Variants in PEX1 observed in about 807,000 individuals in gnomAD.
PEX1 encodes the protein peroxisomal ATPase PEX1.
In PEX1, 97 loss-of-function variants were observed where a neutral mutation model predicts 152.5. The observed-to-expected ratio is 0.64, with a 90% CI of 0.54 to 0.75. The LOEUF (loss-of-function observed/expected upper bound fraction) is 0.75, where lower values mean the gene tolerates loss of function less well. Among genes scored for constraint, PEX1 ranks in the 30% least tolerant of loss-of-function variants. The pLI is 0.00. For synonymous variants in PEX1, 485 were observed against 531.6 expected (o/e 0.91, Z 1.21); for missense variants, 1,357 against 1,516.3 (o/e 0.89, Z 1.74).
chr7:92,509,070 T>C (rs1392543739), intron 9 of PEX1, among the ~76,000 whole-genome samples: 1 of 151,964 alleles, frequency 6.6e-6, no homozygotes, highest in Non-Finnish European at 1.5e-5. Flanking sequence ...TTCAGACTTC[T>C]TGTTATCGAA....
Position 92,501,177 on chromosome 7 carries a change from G to C in PEX1, c.2583+330C>G, listed in dbSNP as rs550448409. On this transcript the variant is annotated intron_variant, in intron 15 of 23. Transcript: ENST00000248633. ...CCGTCTCTAAGAAAATTAAAGAGTT[G>C]GCCGGGCATGGTGGTTCATGCCTGT... Among the ~76,000 whole-genome samples the C allele has an allele frequency of 3.9e-5, 6 of 152,256 alleles. No individual in the cohort carries two copies. In the South Asian group the frequency reaches 1.2e-3, roughly 32 times the overall value.
intron 17 of PEX1, 29 bp downstream of exon 17, chr7:92,496,684 T>TA (rs1476906521): frequency 7.1e-7 from 1 of 1,415,696 alleles, no homozygotes; most frequent in Non-Finnish European, 1.0e-6. Flanking sequence ...CAGAGTCAGT[T>TA]ACTTTAAAAA....
chr7:92,506,926 A>C, intron 10 of PEX1, 68 bp downstream of exon 10: 2 of 1,551,128 alleles, frequency 1.3e-6, no homozygotes, highest in South Asian at 1.1e-5. Flanking sequence ...AGATGGTCAA[A>C]ACCCAAAGAA....
At position 92,489,732 on chromosome 7, in the gene PEX1, T is replaced by C; in HGVS notation, c.3618A>G (p.Arg1206=). The C allele has an allele frequency of 6.2e-7, 1 of 1,614,146 alleles. No individual in the cohort carries two copies. Among genetic ancestry groups the C allele is most frequent in the East Asian group, 2.2e-5 (1 of 44,880 alleles). Reference sequence around the variant, plus strand: ...GCCATACTCCACTTTGGCTCCGGTATCTGCCTTTGATAATACTGATATCTG... The same window carrying C: ...GCCATACTCCACTTTGGCTCCGGTACCTGCCTTTGATAATACTGATATCTG... ...LRADISIIKG[R]YRSQSGEDES... Residue 1206 remains arginine (R), a synonymous_variant, in exon 22 of 24, where the codon AGA becomes AGG. Coordinates refer to ENST00000248633, the MANE Select transcript of PEX1 (RefSeq NM_000466.3).
chr7:92,517,373 G>T lies in PEX1; in HGVS notation c.1142C>A (p.Ala381Asp), dbSNP rs73404416. ...ATTCCAGACTACTTGTAGCACACAG[G>T]CCTTCTCATCTTCTTCATTATGATC... ...RSDHNEEDEK[A>D]CVLQVVWNGL... Residue 381 changes from alanine to aspartate, a missense_variant, in exon 5 of 24, where the codon GCC becomes GAC. Coordinates refer to ENST00000248633, the MANE Select transcript of PEX1 (RefSeq NM_000466.3). 1.4e-3 allele frequency: 2,262 copies of T among 1,613,242 alleles called. 25 individuals carry two copies. The African/African-American group carries it at 0.027, about 19-fold the overall frequency.
rs11269897 is a variant in PEX1 at position 92,506,105 on chromosome 7, A to AAAGACTTAAAATTTCT, written c.1900+142_1900+143insAGAAATTTTAAGTCTT. On this transcript the variant is annotated intron_variant, in intron 11 of 23. Coordinates refer to ENST00000248633, the MANE Select transcript of PEX1 (RefSeq NM_000466.3). Reference sequence around the variant, plus strand: ...ATTTTATCAAAAACATTAGAAAGCCAAAGAAATTTTAATGACTAAATGATA... The same window carrying AAAGACTTAAAATTTCT: ...ATTTTATCAAAAACATTAGAAAGCCAAAGACTTAAAATTTCTAAGAAATTTTAATGACTAAATGATA... 459,421 of 502,974 alleles carry AAAGACTTAAAATTTCT rather than the reference A, an allele frequency of 0.91. 210,449 individuals are homozygous for AAAGACTTAAAATTTCT. Among genetic ancestry groups the AAAGACTTAAAATTTCT allele is most frequent in the East Asian group, 0.96 (29,477 of 30,618 alleles). 31.2% of individuals were successfully genotyped at this position (502,974 alleles called of 1,614,324 possible).
chr7:92,509,164 T>A (rs1457323670), intron 9 of PEX1, among the ~76,000 whole-genome samples, 165 bp downstream of exon 9: 1 of 151,796 alleles, frequency 6.6e-6, no homozygotes, highest in Non-Finnish European at 1.5e-5. Flanking sequence ...AGGCAAATTA[T>A]AAGCTAGGCG....
chr7:92,494,305 A>T lies in PEX1; in HGVS notation c.3018T>A (p.Pro1006=), dbSNP rs1248901937. ...ATGAAATTGTCACCTGATCAGGAGG[A>T]GGACAGTATACACATTTATCTAGTC... ...PGRLDKCVYC[P]PPDQVSRLEI... Residue 1006 remains proline, a synonymous_variant, in exon 19 of 24, where the codon CCT becomes CCA. Coordinates refer to ENST00000248633, the MANE Select transcript of PEX1 (RefSeq NM_000466.3). 1 of 1,612,438 alleles carries T rather than the reference A, an allele frequency of 6.2e-7. No individual in the cohort carries two copies. The highest frequency in any genetic ancestry group is 8.5e-7 in the Non-Finnish European group (1 of 1,178,736).
At chr7:92,513,740 G>T (rs1247884806) in intron 6 of PEX1, 108 bp downstream of exon 6, 1 of 816,752 alleles carries the variant, frequency 1.2e-6, no homozygotes, top group East Asian at 2.6e-5. Flanking sequence ...AATAAAAAAA[G>T]ATTTGTATCA....
intron 2 of PEX1, 86 bp from the exon 3 acceptor site, chr7:92,519,164 T>G (rs1792943563): frequency 1.3e-6 from 1 of 769,624 alleles, no homozygotes. Context: ...TTCTTACCAT[T>G]TTAGGTTAAG....
chr7:92,496,141 T>C (rs954097359), intron 17 of PEX1, among the ~76,000 whole-genome samples: 14 of 152,134 alleles, frequency 9.2e-5, no homozygotes, highest in Non-Finnish European at 5.9e-5. Context: ...ATGTATTTTA[T>C]GTATATTCTC....
chr7:92,509,476 T>C, intron 8 of PEX1, 65 bp from the exon 9 acceptor site: 3 of 1,196,828 alleles, frequency 2.5e-6, no homozygotes, highest in Non-Finnish European at 3.7e-6. Context: ...TTTTCTCGGG[T>C]CCCAGAAAAC....
In PEX1 at chr7:92,515,121, A is replaced by C. The variant is rs569052345; in HGVS notation, c.1240-1154T>G. On this transcript the variant is annotated intron_variant, in intron 5 of 23. Coordinates refer to ENST00000248633, the MANE Select transcript of PEX1 (RefSeq NM_000466.3). ...TATATATATATATATATATATATAT[A>C]TCAATAATGATGTTAAAAATTTTTC... is the stretch of plus-strand genomic sequence containing the variant. 1.5e-3 allele frequency among the ~76,000 whole-genome samples: 161 copies of C among 107,558 alleles called. 1 individual carries two copies. Among genetic ancestry groups the C allele is most frequent in the African/African-American group, 4.9e-3 (141 of 28,738 alleles). The allele number at this position is 107,558 out of a possible 152,430, so 70.6% of individuals were successfully genotyped here. A position where few individuals can be genotyped will look rare whatever the true frequency, so the allele number is the denominator to read the frequency against.
chr7:92,507,217 A>G, intron 9 of PEX1, 91 bp from the exon 10 acceptor site: 1 of 1,036,918 alleles, frequency 9.6e-7, no homozygotes, highest in Admixed American at 2.4e-5. Flanking sequence ...TTCCCAGTGT[A>G]GTTAATTAAT....
At chr7:92,508,303 C>T (rs182690086) in intron 9 of PEX1, among the ~76,000 whole-genome samples, 1 of 152,212 alleles carries the variant, frequency 6.6e-6, no homozygotes, top group Non-Finnish European at 1.5e-5. Flanking sequence ...GTAATCCCAG[C>T]ACTTTGGGAG....
chr7:92,508,493 G>A (rs1585240486), intron 9 of PEX1, among the ~76,000 whole-genome samples: 1 of 150,958 alleles, frequency 6.6e-6, no homozygotes, highest in East Asian at 1.9e-4. Context: ...AGCTGAGATT[G>A]CAACACTGCA....
intron 5 of PEX1, among the ~76,000 whole-genome samples, chr7:92,515,463 ATT>A (rs907359390): frequency 1.3e-5 from 2 of 152,074 alleles, no homozygotes; most frequent in Non-Finnish European, 2.9e-5. Flanking sequence ...GTGACTTCTC[ATT>A]GTCCATGGCT....
chr7:92,520,947 A>G (rs1793022071), intron 2 of PEX1, among the ~76,000 whole-genome samples: 1 of 150,808 alleles, frequency 6.6e-6, no homozygotes, highest in African/African-American at 2.4e-5. Flanking sequence ...TCAATGGTAA[A>G]ATAGTTATAA....
chr7:92,515,983 G>A (rs963380518), intron 5 of PEX1, among the ~76,000 whole-genome samples: 2 of 132,226 alleles, frequency 1.5e-5, no homozygotes, highest in Non-Finnish European at 3.3e-5. Flanking sequence ...AACAAAGCAA[G>A]CTTCTAACTC....
Sources: allele counts gnomAD v4.1 joint callset (sites outside exome capture counted in the v4.1 genomes callset), GRCh38; gene constraint gnomAD v4.1.1; transcripts MANE v1.5; gene names NCBI Gene and HGNC (gene_info 2026-07-23, HGNC 2026-07-21).